The following MAPK9 variants were observed in gnomAD, a reference collection of about 807,000 sequenced individuals.
The protein encoded by MAPK9 is Jun kinase.
A neutral mutation model predicts 57.1 loss-of-function variants in MAPK9; 30 were observed. The ratio of observed to expected loss-of-function variants is 0.53; its 90% CI spans 0.39 to 0.71. MAPK9 has a LOEUF of 0.71. MAPK9 is among the 30% of genes least tolerant of loss of function. MAPK9 has a pLI of 0.00. For synonymous variants in MAPK9, 155 were observed against 177.0 expected, an observed-to-expected ratio of 0.88 and a Z score of 0.99; for missense variants, 362 against 521.0, an observed-to-expected ratio of 0.69 and a Z score of 2.97.
At chr5:180,291,271 G>T (rs1408085813) in intron 1 of MAPK9, among the ~76,000 whole-genome samples, 1 of 131,068 alleles carries the variant, frequency 7.6e-6, no homozygotes, top group African/African-American at 2.8e-5. Context: ...CACCGAGTGT[G>T]CAATGACAAG....
intron 7 of MAPK9, among the ~76,000 whole-genome samples, chr5:180,244,986 C>T (rs919090421): frequency 6.6e-6 from 1 of 152,188 alleles, no homozygotes; most frequent in African/African-American, 2.4e-5. Context: ...GAGCCTCCCT[C>T]AGTCACCACA....
Position 180,247,610 on chromosome 5 carries a change from A to G in MAPK9, c.617-100T>C, listed in dbSNP as rs1184323395. The G allele has an allele frequency of 9.0e-7, 1 of 1,112,086 alleles. No homozygotes were observed. Among genetic ancestry groups the G allele is most frequent in the Non-Finnish European group, 1.3e-6 (1 of 747,336 alleles). 68.9% of individuals were successfully genotyped at this position (1,112,086 alleles called of 1,614,324 possible). ...GTGCACTAAACACACAAATATGGAA[A>G]AATAAATTGCTAGCTAAGGGTGACA... On this transcript the variant is annotated intron_variant, in intron 6 of 11. Transcript: ENST00000452135. This position sits in a 1 kb window ranked among gnomAD's most constrained non-coding sequence, Gnocchi z 4.5.
chr5:180,238,174 G>A (rs1440512909), intron 11 of MAPK9, 158 bp downstream of exon 11: 4 of 509,212 alleles, frequency 7.9e-6, no homozygotes, highest in Non-Finnish European at 1.1e-5. Context: ...GGAGGCTGAG[G>A]CAGGAGAATT....
At chr5:180,269,447 G>A (rs749574533) in intron 2 of MAPK9, 38 bp from the exon 3 acceptor site, 6 of 1,591,736 alleles carry the variant, frequency 3.8e-6, no homozygotes, top group African/African-American at 2.7e-5. Flanking sequence ...CCATTAGAAC[G>A]GTTTTGGAAA....
At chr5:180,269,899 AAAG>A (rs1193529407) in intron 2 of MAPK9, among the ~76,000 whole-genome samples, 3 of 152,272 alleles carry the variant, frequency 2.0e-5, no homozygotes, top group South Asian at 2.1e-4. Flanking sequence ...TCTAAAAAGA[AAAG>A]AAGCCAAAAT....
intron 11 of MAPK9, chr5:180,237,159 T>C (rs1020287925): frequency 1.3e-5 from 2 of 152,350 alleles, no homozygotes; most frequent in African/African-American, 4.8e-5. Flanking sequence ...AAACACAACA[T>C]GCACTCTCTG....
At chr5:180,288,270 C>T (rs538376590) in intron 1 of MAPK9, among the ~76,000 whole-genome samples, 8 of 152,268 alleles carry the variant, frequency 5.3e-5, no homozygotes, top group African/African-American at 1.7e-4. Flanking sequence ...AGGAACAACT[C>T]GATTGCTTCA....
chr5:180,247,413 G>A lies in MAPK9; in HGVS notation c.688+26C>T, dbSNP rs200094588. 1.7e-5 allele frequency: 27 copies of A among 1,614,120 alleles called. No individual in the cohort carries two copies. The highest frequency in any genetic ancestry group is 4.5e-5 in the East Asian group (2 of 44,882). On this transcript the variant is annotated intron_variant, in intron 7 of 11. Coordinates refer to ENST00000452135, the MANE Select transcript of MAPK9 (RefSeq NM_002752.5). The surrounding 1 kb of genome is among the most constrained non-coding windows in gnomAD (Gnocchi z 4.5). ...GCCTGAGGCATTAAGAAAGCATGGC[G>A]GGGCCAAGGTCGCGGGGAAGGATAC... is the stretch of plus-strand genomic sequence containing the variant.
At chr5:180,267,479 G>A (rs1042965632) in intron 3 of MAPK9, among the ~76,000 whole-genome samples, 11 of 150,734 alleles carry the variant, frequency 7.3e-5, no homozygotes, top group Admixed American at 1.3e-4. Flanking sequence ...GGAGAATGGC[G>A]TGAACCTGGG....
intron 10 of MAPK9, 130 bp from the exon 11 acceptor site, chr5:180,238,533 C>A: frequency 9.9e-6 from 6 of 605,414 alleles, no homozygotes; most frequent in Non-Finnish European, 1.7e-5. Context: ...AAGACAGAGT[C>A]AATTCAGTAA....
chr5:180,281,915 C>G (rs1032612869), intron 1 of MAPK9, among the ~76,000 whole-genome samples: 29 of 152,198 alleles, frequency 1.9e-4, no homozygotes, highest in African/African-American at 6.8e-4. Flanking sequence ...GCTGGACAAA[C>G]AGCTGCTCAT....
intron 6 of MAPK9, 31 bp downstream of exon 6, chr5:180,248,941 TC>T: frequency 6.4e-7 from 1 of 1,570,492 alleles, no homozygotes; most frequent in Non-Finnish European, 8.6e-7. Context: ...TTTCTAAACA[TC>T]CCAGCCTCTT....
chr5:180,274,358 C>T (rs899539021), intron 2 of MAPK9, among the ~76,000 whole-genome samples: 1 of 152,138 alleles, frequency 6.6e-6, no homozygotes, highest in African/African-American at 2.4e-5. Flanking sequence ...TCCAGGTGGG[C>T]CTATTCTTAT....
intron 1 of MAPK9, among the ~76,000 whole-genome samples, chr5:180,284,513 G>A (rs143255205): frequency 2.6e-5 from 4 of 152,352 alleles, no homozygotes; most frequent in Admixed American, 2.0e-4. Context: ...ACCGAGGCAT[G>A]AGGAAACAGG....
At chr5:180,244,600 C>G (rs953417044) in intron 7 of MAPK9, among the ~76,000 whole-genome samples, 1 of 151,684 alleles carries the variant, frequency 6.6e-6, no homozygotes, top group Admixed American at 6.6e-5. Flanking sequence ...ACGGTGAAAC[C>G]CTGGCCCTAC....
chr5:180,254,338 AAC>A (rs1759042781), intron 5 of MAPK9, among the ~76,000 whole-genome samples: 1 of 152,182 alleles, frequency 6.6e-6, no homozygotes, highest in Admixed American at 6.5e-5. Flanking sequence ...GGAGGGACCT[AAC>A]ACACTAAAAA....
Position 180,264,817 on chromosome 5 carries a change from A to T in MAPK9, c.275T>A (p.Phe92Tyr). The T allele has an allele frequency of 6.4e-7, 1 of 1,554,358 alleles. No homozygotes were observed. ...HKNIISLLNV[F>Y]TPQKTLEEFQ... ...TTCTTCTAGAGTTTTTTGTGGTGTAAACACATTTAACAAACTAATTATCTG... is the reference window on the plus strand; with the variant it reads ...TTCTTCTAGAGTTTTTTGTGGTGTATACACATTTAACAAACTAATTATCTG... Residue 92 changes from phenylalanine to tyrosine, a missense_variant, in exon 4 of 12, where the codon TTT (phenylalanine) becomes TAT (tyrosine). By Grantham distance (22) the Phe-to-Tyr change is conservative (BLOSUM62 3). This residue lies in a region of MAPK9 where 127 missense variants were observed against 231.7 expected (regional missense o/e 0.55). Coordinates refer to ENST00000452135, the MANE Select transcript of MAPK9 (RefSeq NM_002752.5).
chr5:180,234,557 A>G lies in MAPK9; in HGVS notation c.*1827T>C, dbSNP rs1244280850. 1 of 152,230 alleles carries G rather than the reference A, an allele frequency of 6.6e-6. No individual in the cohort carries two copies. The highest frequency in any genetic ancestry group is 1.9e-4 in the East Asian group (1 of 5,200). 9.4% of individuals were successfully genotyped at this position (152,230 alleles called of 1,614,324 possible). A position where few individuals can be genotyped will look rare whatever the true frequency, so the allele number is the denominator to read the frequency against. On this transcript the variant is annotated 3_prime_UTR_variant, in exon 12 of 12. Coordinates refer to ENST00000452135, the MANE Select transcript of MAPK9 (RefSeq NM_002752.5). ...GAGGGAGCATCACACAGTGCAGGGC[A>G]GCTCGCGCATTTTCAACCTCTCCCT...
At chr5:180,275,030 A>C (rs1262258314) in intron 2 of MAPK9, among the ~76,000 whole-genome samples, 1 of 152,130 alleles carries the variant, frequency 6.6e-6, no homozygotes, top group Non-Finnish European at 1.5e-5. Context: ...TTCTCCACCA[A>C]AACTTTTAAT....
Sources: gnomAD v4.1 joint callset for allele counts (sites outside exome capture counted in the v4.1 genomes callset) on GRCh38, gnomAD v4.1.1 for gene constraint, gnomAD v4.1.1 regional missense constraint, Gnocchi (gnomAD v3.1) non-coding constraint, MANE v1.5 for transcripts, NCBI Gene and HGNC (gene_info 2026-07-23, HGNC 2026-07-21) for gene names.